The following LAMA2 variants were observed in gnomAD, a reference collection of about 807,000 sequenced individuals.
LAMA2 encodes the protein laminin subunit alpha 2.
Under a neutral mutation model 364.8 loss-of-function variants are expected in LAMA2, and 269 were observed. That is an observed-to-expected ratio of 0.74 (90% CI 0.67 to 0.82). The LOEUF (loss-of-function observed/expected upper bound fraction) is 0.82, where lower values mean the gene tolerates loss of function less well. Among genes scored for constraint, LAMA2 ranks in the 40% least tolerant of loss-of-function variants. The pLI, the probability that LAMA2 is intolerant of heterozygous loss-of-function variation, is 0.00. For synonymous variants in LAMA2, 1,379 were observed against 1,370.6 expected (o/e 1.01, Z -0.14); for missense variants, 3,807 against 3,873.2 (o/e 0.98, Z 0.45).
At chr6:129,206,372 T>C (rs1782677651) in intron 12 of LAMA2, among the ~76,000 whole-genome samples, 1 of 152,206 alleles carries the variant, frequency 6.6e-6, no homozygotes, top group Admixed American at 6.5e-5. Context: ...GTCAAATTTG[T>C]AAAAGATATT....
At chr6:129,379,302 A>C (rs1291926455) in intron 34 of LAMA2, among the ~76,000 whole-genome samples, 1 of 151,808 alleles carries the variant, frequency 6.6e-6, no homozygotes, top group Admixed American at 6.6e-5. Flanking sequence ...TAATCTGTGC[A>C]ACAAACCCCA....
chr6:129,329,581 C>T (rs1194332165), intron 29 of LAMA2, among the ~76,000 whole-genome samples: 3 of 152,090 alleles, frequency 2.0e-5, no homozygotes, highest in African/African-American at 7.2e-5. Context: ...AGGCTGGTCT[C>T]GAACTCCTAA....
chr6:128,948,189 A>G (rs558968508), intron 1 of LAMA2, among the ~76,000 whole-genome samples: 2 of 152,100 alleles, frequency 1.3e-5, no homozygotes, highest in Non-Finnish European at 2.9e-5. Flanking sequence ...AAAGCAGGTA[A>G]CAAGAGGACT....
chr6:128,971,454 T>C (rs1782181242), intron 1 of LAMA2, among the ~76,000 whole-genome samples: 1 of 152,120 alleles, frequency 6.6e-6, no homozygotes, highest in Non-Finnish European at 1.5e-5. Context: ...TGGAGGAGAA[T>C]GAAAATCATT....
At chr6:128,958,326 A>G (rs1781278898) in intron 1 of LAMA2, among the ~76,000 whole-genome samples, 1 of 152,120 alleles carries the variant, frequency 6.6e-6, no homozygotes, top group Admixed American at 6.5e-5. Context: ...CATCATTTAT[A>G]TGTTTAATAT....
chr6:129,487,460 C>T (rs1179954297), intron 56 of LAMA2, among the ~76,000 whole-genome samples: 1 of 152,100 alleles, frequency 6.6e-6, no homozygotes, highest in South Asian at 2.1e-4. Flanking sequence ...TCCAAGCCAG[C>T]AATCCATTTA....
At chr6:128,942,486 C>T (rs2114545356) in intron 1 of LAMA2, among the ~76,000 whole-genome samples, 1 of 152,196 alleles carries the variant, frequency 6.6e-6, no homozygotes, top group Non-Finnish European at 1.5e-5. Flanking sequence ...AAATTAGTGT[C>T]CTTTTTATTT....
chr6:129,498,748 A>AGAT (rs1469578659), intron 58 of LAMA2, among the ~76,000 whole-genome samples: 1 of 152,236 alleles, frequency 6.6e-6, no homozygotes, highest in Non-Finnish European at 1.5e-5. Flanking sequence ...TCAAGAACAA[A>AGAT]GATGCCAGTT....
chr6:129,036,541 T>C (rs1050510373), intron 1 of LAMA2, among the ~76,000 whole-genome samples: 1 of 152,118 alleles, frequency 6.6e-6, no homozygotes, highest in African/African-American at 2.4e-5. Context: ...ATAAAAATAC[T>C]TAACATTTTC....
chr6:129,353,437 T>A, intron 32 of LAMA2, 80 bp downstream of exon 32: 1 of 1,104,056 alleles, frequency 9.1e-7, no homozygotes. Flanking sequence ...AGAGTGACTC[T>A]CCCCGCCCGC....
chr6:129,237,604 G>A lies in LAMA2; in HGVS notation c.1783-12508G>A, dbSNP rs191744185. On this transcript the variant is annotated intron_variant, in intron 12 of 64. Coordinates refer to ENST00000421865, the MANE Select transcript of LAMA2 (RefSeq NM_000426.4). ...CCTTCTCAGCCTCCCAAAGTGCTGG[G>A]ATTGCAAGCGTGTTTCAGTGAATAG... Among the ~76,000 whole-genome samples, 188 of 152,248 alleles carry A rather than the reference G, an allele frequency of 1.2e-3. 1 individual carries two copies. The highest frequency in any genetic ancestry group is 4.3e-3 in the African/African-American group (178 of 41,540).
chr6:129,051,999 GTA>G (rs10551797), intron 2 of LAMA2, among the ~76,000 whole-genome samples: 112,574 of 150,546 alleles, frequency 0.75, 43,752 homozygotes, highest in East Asian at 0.96. Context: ...ATGTATGCAG[GTA>G]TATATATATA....
At chr6:129,158,259 A>T in intron 8 of LAMA2, 2 of 1,613,966 alleles carry the variant, frequency 1.2e-6, no homozygotes, top group South Asian at 2.2e-5. Context: ...GAAACCAAGT[A>T]TGTTTTCATG....
intron 3 of LAMA2, among the ~76,000 whole-genome samples, chr6:129,086,346 A>G (rs934230904): frequency 3.9e-5 from 6 of 152,316 alleles, no homozygotes; most frequent in African/African-American, 1.4e-4. Flanking sequence ...AAAATAACTG[A>G]GCATCTTTTA....
intron 1 of LAMA2, among the ~76,000 whole-genome samples, chr6:129,025,174 T>C (rs562478688): frequency 6.6e-6 from 1 of 152,268 alleles, no homozygotes; most frequent in Non-Finnish European, 1.5e-5. Context: ...ACAATTGAGG[T>C]TTTATAAAAT....
chr6:129,428,381 T>C (rs973937236), intron 41 of LAMA2, among the ~76,000 whole-genome samples: 7 of 152,194 alleles, frequency 4.6e-5, no homozygotes, highest in Non-Finnish European at 7.3e-5. Flanking sequence ...TTACCGTGAG[T>C]TGTGATCACA....
At chr6:128,935,051 C>T (rs114392308) in intron 1 of LAMA2, among the ~76,000 whole-genome samples, 2,292 of 152,052 alleles carry the variant, frequency 0.015, 58 homozygotes, top group African/African-American at 0.052. Flanking sequence ...TTATTTTTGA[C>T]GCTATTGCTT....
At chr6:129,205,485 TATATATATACACACACACACACACAC>T (rs1220344125) in intron 12 of LAMA2, among the ~76,000 whole-genome samples, 1 of 121,924 alleles carries the variant, frequency 8.2e-6, no homozygotes, top group African/African-American at 4.1e-5. Flanking sequence ...TAAGTATATA[TATATATATACACACACACACACACAC>T]ACACACACAC....
chr6:129,501,248 TAAGA>T (rs1785610188), intron 58 of LAMA2, among the ~76,000 whole-genome samples: 1 of 152,166 alleles, frequency 6.6e-6, no homozygotes, highest in Admixed American at 6.5e-5. Flanking sequence ...GGCAGCGTAA[TAAGA>T]AAGGTGCCAC....
Sources: allele counts gnomAD v4.1 joint callset (sites outside exome capture counted in the v4.1 genomes callset), GRCh38; gene constraint gnomAD v4.1.1; transcripts MANE v1.5; gene names NCBI Gene and HGNC (gene_info 2026-07-23, HGNC 2026-07-21).